The following METTL2B variants were observed in gnomAD, a reference collection of about 807,000 sequenced individuals.
The protein encoded by METTL2B is tRNA N(3)-cytidine methyltransferase METTL2B.
Under a neutral mutation model 51.0 loss-of-function variants are expected in METTL2B, and 28 were observed. The observed-to-expected ratio is 0.55, with a 90% confidence interval of 0.41 to 0.75. The LOEUF is 0.75. METTL2B is among the 30% of genes least tolerant of loss of function. METTL2B has a pLI of 0.00. For missense variants in METTL2B, 313 were observed against 460.7 expected (o/e 0.68, Z 2.93); for synonymous variants, 128 against 166.3 (o/e 0.77, Z 1.77).
intron 4 of METTL2B, among the ~76,000 whole-genome samples, chr7:128,485,513 A>C (rs1792685128): frequency 6.6e-6 from 1 of 152,120 alleles, no homozygotes; most frequent in African/African-American, 2.4e-5. Context: ...AATACAAAAA[A>C]AAATTAGCCA....
chr7:128,488,444 T>C (rs1182329650), intron 5 of METTL2B: 2 of 591,824 alleles, frequency 3.4e-6, no homozygotes, highest in Non-Finnish European at 6.5e-6. Flanking sequence ...TTAGTGTCTG[T>C]GTGTCATGCT....
At chr7:128,501,527 G>A in intron 8 of METTL2B, 2 of 985,368 alleles carry the variant, frequency 2.0e-6, no homozygotes, top group Non-Finnish European at 2.4e-6. Flanking sequence ...AGAGCCTAAA[G>A]GCCAAATATA....
intron 6 of METTL2B, among the ~76,000 whole-genome samples, chr7:128,496,604 A>G (rs1310215070): frequency 1.3e-5 from 2 of 152,158 alleles, no homozygotes; most frequent in African/African-American, 4.8e-5. Context: ...TAAAATTGAC[A>G]TGGACTAAAA....
chr7:128,490,931 G>A (rs117156676), intron 5 of METTL2B, among the ~76,000 whole-genome samples: 10,570 of 152,112 alleles, frequency 0.069, 773 homozygotes, highest in East Asian at 0.26. Flanking sequence ...GGGAGGCCAC[G>A]GCCAGCGGAT....
In METTL2B at chr7:128,506,514, GATGGGC is replaced by G. The variant is rs1793122191; in HGVS notation, c.*4600_*4605del. ...ACGTTTCATCCTCAGAATCGCTAAT[GATGGGC>G]AGAGGACTGTTACATGTGTTGGGAG... On this transcript the variant is annotated 3_prime_UTR_variant, in exon 9 of 9. Coordinates refer to ENST00000262432, the MANE Select transcript of METTL2B (RefSeq NM_018396.3). 1 of 152,204 alleles carries G rather than the reference GATGGGC, an allele frequency of 6.6e-6. No individual in the cohort carries two copies. The highest frequency in any genetic ancestry group is 6.5e-5 in the Admixed American group (1 of 15,270). The allele number at this position is 152,204 out of a possible 1,614,324, so 9.4% of individuals were successfully genotyped here.
At chr7:128,495,572 T>C (rs551739637) in intron 6 of METTL2B, among the ~76,000 whole-genome samples, 12 of 152,198 alleles carry the variant, frequency 7.9e-5, no homozygotes, top group African/African-American at 2.4e-4. Context: ...TGCCTCAGCC[T>C]CCTGAGCAGC....
At chr7:128,498,511 A>G (rs958637966) in intron 7 of METTL2B, among the ~76,000 whole-genome samples, 2 of 152,010 alleles carry the variant, frequency 1.3e-5, no homozygotes, top group African/African-American at 4.8e-5. Context: ...AAAAAAAGGT[A>G]TGTGGCCACT....
chr7:128,500,835 A>T (rs1370062640), intron 7 of METTL2B, 68 bp from the exon 8 acceptor site: 2 of 1,588,836 alleles, frequency 1.3e-6, no homozygotes, highest in African/African-American at 2.7e-5. Flanking sequence ...CTCAGTTAAC[A>T]TTCCTTAGCA....
At chr7:128,487,842 G>A (rs1792744873) in intron 4 of METTL2B, among the ~76,000 whole-genome samples, 1 of 151,810 alleles carries the variant, frequency 6.6e-6, no homozygotes. Flanking sequence ...ATTTCTGTAG[G>A]TGGAAAAAGA....
chr7:128,484,232 T>TTTTTGTTTTTTTTTTTTTTTTTTTTG (rs1554428847), intron 4 of METTL2B: 1 of 83,558 alleles, frequency 1.2e-5, no homozygotes, highest in African/African-American at 5.0e-5. Flanking sequence ...TTTTTTTTTT[T>TTTTTGTTTTTTTTTTTTTTTTTTTTG]TTTTTTTTTT....
intron 5 of METTL2B, among the ~76,000 whole-genome samples, chr7:128,490,895 G>C (rs1416453441): frequency 6.6e-6 from 1 of 152,192 alleles, no homozygotes; most frequent in Non-Finnish European, 1.5e-5. Context: ...GGGTGCAGTG[G>C]CTCACACCTG....
At chr7:128,482,524 A>G (rs1799885023) in intron 4 of METTL2B, among the ~76,000 whole-genome samples, 2 of 152,062 alleles carry the variant, frequency 1.3e-5, no homozygotes, top group Admixed American at 1.3e-4. Flanking sequence ...AAATATATTT[A>G]TTATACCATA....
intron 4 of METTL2B, among the ~76,000 whole-genome samples, chr7:128,485,466 A>G (rs1223097687): frequency 6.6e-6 from 1 of 152,114 alleles, no homozygotes; most frequent in Non-Finnish European, 1.5e-5. Flanking sequence ...GATGGAGACC[A>G]TCCTGGCTAA....
At chr7:128,485,240 T>C (rs1792676655) in intron 4 of METTL2B, among the ~76,000 whole-genome samples, 2 of 152,020 alleles carry the variant, frequency 1.3e-5, no homozygotes, top group Non-Finnish European at 2.9e-5. Context: ...GGATTGAAAA[T>C]AAATAGTATA....
intron 4 of METTL2B, among the ~76,000 whole-genome samples, chr7:128,481,010 G>A (rs1799865930): frequency 6.6e-6 from 1 of 152,180 alleles, no homozygotes; most frequent in Non-Finnish European, 1.5e-5. Context: ...CTTAAAACTT[G>A]CTAGTGTTAA....
chr7:128,498,349 G>C (rs10230632), intron 7 of METTL2B, among the ~76,000 whole-genome samples: 11 of 149,482 alleles, frequency 7.4e-5, no homozygotes, highest in South Asian at 2.2e-4. Context: ...TCTGGAGGTG[G>C]GGGGGCTGGG....
At chr7:128,493,760 T>C (rs768840002) in intron 5 of METTL2B, 44 bp from the exon 6 acceptor site, 15 of 1,579,900 alleles carry the variant, frequency 9.5e-6, no homozygotes, top group South Asian at 9.3e-5. Flanking sequence ...CTTTGGGCTA[T>C]GTTAATATTT....
intron 4 of METTL2B, among the ~76,000 whole-genome samples, chr7:128,487,048 C>G (rs1399177668): frequency 6.6e-6 from 1 of 152,214 alleles, no homozygotes; most frequent in African/African-American, 2.4e-5. Context: ...TCTTCACTCT[C>G]CCTTATGGTG....
At position 128,476,852 on chromosome 7, in the gene METTL2B, G is replaced by A; in HGVS notation, c.87G>A (p.Ala29=). The change falls in exon 1 of 9, where the codon GCG becomes GCA. Residue 29 remains alanine, a synonymous_variant. Coordinates refer to ENST00000262432, the MANE Select transcript of METTL2B (RefSeq NM_018396.3). ...QFGSRFLSDP[A]RVFHHNAWDN... ...GAAGCCGGTTCCTGAGCGATCCGGC[G>A]CGCGTCTTCCACCACAATGCCTGGT... 6.2e-7 allele frequency: 1 copy of A among 1,614,022 alleles called. No homozygotes were observed. Among genetic ancestry groups the A allele is most frequent in the Non-Finnish European group, 8.5e-7 (1 of 1,179,982 alleles).
Sources: allele counts gnomAD v4.1 joint callset (sites outside exome capture counted in the v4.1 genomes callset), GRCh38; gene constraint gnomAD v4.1.1; transcripts MANE v1.5; gene names NCBI Gene and HGNC (gene_info 2026-07-23, HGNC 2026-07-21).